The following WDR37 variants were observed in gnomAD, a reference collection of about 807,000 sequenced individuals.
The protein encoded by WDR37 is WD repeat-containing protein 37.
Under a neutral mutation model 62.9 loss-of-function variants are expected in WDR37, and 19 were observed. The ratio of observed to expected loss-of-function variants is 0.30; its 90% CI spans 0.21 to 0.44. The LOEUF is 0.44. Ranked by LOEUF, WDR37 falls within the 20% of genes least tolerant of loss-of-function variation. The pLI, the probability that WDR37 is intolerant of heterozygous loss-of-function variation, is 1.00. For missense variants in WDR37, 474 were observed against 657.6 expected (o/e 0.72, Z 3.05); for synonymous variants, 250 against 260.9 (o/e 0.96, Z 0.40).
chr10:1,096,720 TGCC>T (rs1834593440), intron 9 of WDR37: 1 of 156,846 alleles, frequency 6.4e-6, no homozygotes, highest in Non-Finnish European at 1.4e-5. Context: ...GCTGGAGAAA[TGCC>T]GACGGTGTGG....
At chr10:1,127,716 G>A (rs1332374383) in intron 13 of WDR37, among the ~76,000 whole-genome samples, 5 of 152,298 alleles carry the variant, frequency 3.3e-5, no homozygotes, top group South Asian at 4.1e-4. Context: ...TCTCTGTGAC[G>A]TGGAGGCTCA....
rs1282936893 is a variant in WDR37 at position 1,124,659 on chromosome 10, TGTGTG to T, written c.1239-250_1239-246del. On this transcript the variant is annotated intron_variant, in intron 12 of 13. Transcript: ENST00000263150. ...TGGGTCTGGTTCTACCATTGAGCAG[TGTGTG>T]TGTGTGTGTGTGTGTGTGTGTGTGT... Among the ~76,000 whole-genome samples, 17 of 970 alleles carry T rather than the reference TGTGTG, an allele frequency of 0.018. No individual in the cohort carries two copies. In the East Asian group the frequency reaches 0.42, roughly 24 times the overall value. 0.6% of individuals were successfully genotyped at this position (970 alleles called of 152,430 possible). A position where few individuals can be genotyped will look rare whatever the true frequency, so the allele number is the denominator to read the frequency against.
At chr10:1,104,513 A>G (rs1490291091) in intron 10 of WDR37, among the ~76,000 whole-genome samples, 1 of 152,234 alleles carries the variant, frequency 6.6e-6, no homozygotes, top group Admixed American at 6.5e-5. Flanking sequence ...ACCCAGGACA[A>G]TATTCCCTTT....
Position 1,117,467 on chromosome 10 carries a change from T to C in WDR37, c.1104-6751T>C, listed in dbSNP as rs533932827. On this transcript the variant is annotated intron_variant, in intron 11 of 13. Transcript: ENST00000263150. ...TTAAAGTTCCTCATTTAAGAAGGGC[T>C]ACTCAGGAACTCATAAATAAGGACT... is the stretch of plus-strand genomic sequence containing the variant. Among the ~76,000 whole-genome samples the C allele has an allele frequency of 4.6e-5, 7 of 152,364 alleles. No homozygotes were observed. In the South Asian group the frequency reaches 1.4e-3, roughly 32 times the overall value.
chr10:1,126,386 A>G (rs1213049320), intron 13 of WDR37, among the ~76,000 whole-genome samples: 2 of 146,356 alleles, frequency 1.4e-5, no homozygotes, highest in African/African-American at 2.6e-5. Context: ...AGCCTGGGCG[A>G]CAGAGCGAGA....
intron 11 of WDR37, among the ~76,000 whole-genome samples, chr10:1,122,171 A>G (rs1010488404): frequency 6.6e-6 from 1 of 152,060 alleles, no homozygotes; most frequent in African/African-American, 2.4e-5. Flanking sequence ...GTTCCAAGCA[A>G]TTTTGATGGA....
At chr10:1,107,792 T>A (rs916063021) in intron 11 of WDR37, among the ~76,000 whole-genome samples, 1 of 151,870 alleles carries the variant, frequency 6.6e-6, no homozygotes, top group Admixed American at 6.6e-5. Flanking sequence ...GTTCGCCTGT[T>A]GTATTGCAGC....
chr10:1,076,929 G>A (rs1833895973), intron 2 of WDR37, among the ~76,000 whole-genome samples: 1 of 150,974 alleles, frequency 6.6e-6, no homozygotes, highest in Non-Finnish European at 1.5e-5. Context: ...GAACCTGGGA[G>A]GCGGAGCTTG....
In WDR37 at chr10:1,056,478, G is replaced by A. The variant is rs1465463549; in HGVS notation, c.-531G>A. On this transcript the variant is annotated 5_prime_UTR_variant, in exon 1 of 14. Transcript: ENST00000263150. ...TGAGCGCAGGCGGCCCCGGGTCTCAGGCCTCAGGCGGACCGCGCCCCGGGC... is the reference window on the plus strand; with the variant it reads ...TGAGCGCAGGCGGCCCCGGGTCTCAAGCCTCAGGCGGACCGCGCCCCGGGC... The A allele has an allele frequency of 6.6e-6, 1 of 152,136 alleles. No individual in the cohort carries two copies. Among genetic ancestry groups the A allele is most frequent in the Admixed American group, 6.5e-5 (1 of 15,270 alleles). 9.4% of individuals were successfully genotyped at this position (152,136 alleles called of 1,614,324 possible).
At chr10:1,100,641 T>A (rs1429639134) in intron 9 of WDR37, among the ~76,000 whole-genome samples, 4 of 152,236 alleles carry the variant, frequency 2.6e-5, no homozygotes, top group African/African-American at 7.2e-5. Context: ...GGTGGCGTAG[T>A]GGAAACAGAC....
chr10:1,082,849 C>A (rs1053178827), intron 5 of WDR37, among the ~76,000 whole-genome samples: 1 of 151,798 alleles, frequency 6.6e-6, no homozygotes, highest in Non-Finnish European at 1.5e-5. Flanking sequence ...TCTTACCCTG[C>A]GAATGGAGCA....
At chr10:1,063,873 G>C (rs1564494965) in intron 1 of WDR37, among the ~76,000 whole-genome samples, 1 of 152,230 alleles carries the variant, frequency 6.6e-6, no homozygotes. Flanking sequence ...ACCTGGCAGA[G>C]GCCTGCTCTA....
In WDR37 at chr10:1,095,807, A is replaced by T. The variant is rs3816736; in HGVS notation, c.650-363A>T. ...ATGGAGATGAGTGTCGCTTTCCCGA[A>T]CGTCTCAGAGTTGATTGCAGCTGTA... On this transcript the variant is annotated intron_variant, in intron 8 of 13. Transcript: ENST00000263150. Among the ~76,000 whole-genome samples, 9 of 152,290 alleles carry T rather than the reference A, an allele frequency of 5.9e-5. No individual in the cohort carries two copies. The East Asian group carries it at 1.7e-3, about 29-fold the overall frequency.
intron 11 of WDR37, among the ~76,000 whole-genome samples, chr10:1,110,619 C>G (rs1032488116): frequency 6.6e-6 from 1 of 152,194 alleles, no homozygotes; most frequent in African/African-American, 2.4e-5. Context: ...GGGTTTAGTT[C>G]CTGAGAGGAA....
chr10:1,091,364 A>G (rs757257494), intron 7 of WDR37, among the ~76,000 whole-genome samples: 2 of 152,216 alleles, frequency 1.3e-5, no homozygotes, highest in Non-Finnish European at 2.9e-5. Flanking sequence ...TTGAGTGCTT[A>G]AGTTTATTGC....
chr10:1,118,258 C>CTG (rs1226261985), intron 11 of WDR37, among the ~76,000 whole-genome samples: 1 of 3,358 alleles, frequency 3.0e-4, no homozygotes. Context: ...CGCATCTGAG[C>CTG]CAGGTGCACT....
intron 11 of WDR37, among the ~76,000 whole-genome samples, chr10:1,117,607 C>G (rs975189895): frequency 1.3e-5 from 2 of 152,210 alleles, no homozygotes; most frequent in African/African-American, 4.8e-5. Context: ...TTGACACATA[C>G]TCAAAACTTC....
intron 12 of WDR37, 81 bp from the exon 13 acceptor site, chr10:1,124,829 C>T: frequency 1.3e-6 from 2 of 1,536,796 alleles, no homozygotes; most frequent in Non-Finnish European, 1.8e-6. Flanking sequence ...AATATGGAAC[C>T]TCCTGCTTCA....
chr10:1,087,633 TACTC>T (rs1276910695), intron 7 of WDR37, among the ~76,000 whole-genome samples: 5 of 152,130 alleles, frequency 3.3e-5, no homozygotes, highest in Admixed American at 3.3e-4. Flanking sequence ...AGGCTTAAAA[TACTC>T]AGTCAACAAT....
Sources: allele counts gnomAD v4.1 joint callset (sites outside exome capture counted in the v4.1 genomes callset), GRCh38; gene constraint gnomAD v4.1.1; transcripts MANE v1.5; gene names NCBI Gene and HGNC (gene_info 2026-07-23, HGNC 2026-07-21).